Variants in BAALC observed in about 807,000 individuals in gnomAD.
BAALC encodes brain and acute leukemia cytoplasmic protein.
A neutral mutation model predicts 15.5 loss-of-function variants in BAALC; 9 were observed. That is an observed-to-expected ratio of 0.58 (90% confidence interval 0.35 to 1.02). BAALC has a LOEUF of 1.02. BAALC is among the 50% of genes least tolerant of loss of function. The probability of loss-of-function intolerance (pLI) is 0.02; values close to 1 mark genes in which losing one functional copy is unlikely to be tolerated. For missense variants in BAALC, 201 were observed against 192.4 expected (o/e 1.04, Z -0.27); for synonymous variants, 80 against 74.6 (o/e 1.07, Z -0.37).
At chr8:103,160,087 G>A (rs1179467176) in intron 1 of BAALC, among the ~76,000 whole-genome samples, 1 of 152,008 alleles carries the variant, frequency 6.6e-6, no homozygotes, top group Non-Finnish European at 1.5e-5. Flanking sequence ...AGGTTGCTTT[G>A]TCTTATATAT....
At chr8:103,184,645 A>G (rs1337350712) in intron 1 of BAALC, among the ~76,000 whole-genome samples, 2 of 152,228 alleles carry the variant, frequency 1.3e-5, no homozygotes, top group African/African-American at 4.8e-5. Flanking sequence ...AGATAGTTCC[A>G]GAGACTTCAG....
intron 1 of BAALC, among the ~76,000 whole-genome samples, chr8:103,180,398 C>T (rs1308336403): frequency 6.6e-6 from 1 of 152,156 alleles, no homozygotes; most frequent in Non-Finnish European, 1.5e-5. Context: ...ACGTGCTTGG[C>T]CTCAGAGAGG....
intron 2 of BAALC, among the ~76,000 whole-genome samples, chr8:103,226,097 G>T (rs182813031): frequency 6.6e-6 from 1 of 152,326 alleles, no homozygotes; most frequent in African/African-American, 2.4e-5. Context: ...GCCTGGAGGG[G>T]TGTTCCCACA....
At chr8:103,141,281 C>T (rs2129840032) in intron 1 of BAALC, 1 of 497,064 alleles carries the variant, frequency 2.0e-6, no homozygotes, top group Non-Finnish European at 3.4e-6. Flanking sequence ...CCCCAGCTTC[C>T]AGCAGCCCAA....
At chr8:103,223,941 G>T (rs1812738530) in intron 2 of BAALC, among the ~76,000 whole-genome samples, 1 of 152,204 alleles carries the variant, frequency 6.6e-6, no homozygotes, top group Non-Finnish European at 1.5e-5. Context: ...GAAGGCCTCT[G>T]CATTCTATTC....
chr8:103,223,037 G>A (rs1440112408), intron 2 of BAALC, among the ~76,000 whole-genome samples: 1 of 152,180 alleles, frequency 6.6e-6, no homozygotes, highest in Non-Finnish European at 1.5e-5. Context: ...GGCCGGGCGT[G>A]GTGGCTGGCT....
intron 1 of BAALC, among the ~76,000 whole-genome samples, chr8:103,142,877 A>C (rs1336466813): frequency 6.6e-6 from 1 of 152,054 alleles, no homozygotes; most frequent in Non-Finnish European, 1.5e-5. Context: ...GGACAGACAC[A>C]CTCATTCATG....
intron 2 of BAALC, 148 bp from the exon 3 acceptor site, chr8:103,227,841 A>G (rs1183856260): frequency 1.5e-5 from 9 of 609,366 alleles, no homozygotes; most frequent in Non-Finnish European, 2.3e-5. Context: ...TGCACAGATC[A>G]CAAATGTTCC....
intron 1 of BAALC, among the ~76,000 whole-genome samples, chr8:103,144,981 G>A (rs1308235511): frequency 6.6e-6 from 1 of 152,214 alleles, no homozygotes; most frequent in Admixed American, 6.5e-5. Context: ...AATGAGGCTG[G>A]AAGTCTGCAA....
intron 1 of BAALC, among the ~76,000 whole-genome samples, chr8:103,146,138 A>C (rs896912615): frequency 6.6e-6 from 1 of 152,246 alleles, no homozygotes; most frequent in Non-Finnish European, 1.5e-5. Context: ...TCCATGGTCC[A>C]TACTAGAAGG....
At chr8:103,155,692 G>C (rs886356047) in intron 1 of BAALC, among the ~76,000 whole-genome samples, 3 of 152,176 alleles carry the variant, frequency 2.0e-5, no homozygotes, top group Admixed American at 6.5e-5. Context: ...TCATCTTTCT[G>C]CTTCCCTAGT....
chr8:103,156,378 C>T (rs988133432), intron 1 of BAALC, among the ~76,000 whole-genome samples: 8 of 152,108 alleles, frequency 5.3e-5, no homozygotes, highest in African/African-American at 1.9e-4. Context: ...GCAAATCATG[C>T]TCTTGAGTTG....
intron 1 of BAALC, among the ~76,000 whole-genome samples, chr8:103,173,274 G>A (rs775759958): frequency 7.9e-5 from 12 of 152,150 alleles, no homozygotes; most frequent in Non-Finnish European, 1.8e-4. Context: ...GCTCCTGCAC[G>A]GGTGATGATT....
chr8:103,186,632 T>C (rs1811844809), intron 1 of BAALC, among the ~76,000 whole-genome samples: 1 of 152,148 alleles, frequency 6.6e-6, no homozygotes, highest in African/African-American at 2.4e-5. Context: ...GGACTCTTGA[T>C]TAAATTTGCC....
rs141277237 is a variant in BAALC, at chr8:103,158,468, A to G, written c.160+17411A>G. The stretch of plus-strand genomic sequence containing the variant: ...ATAGAGAACTTTCATACTTTATTTT[A>G]AAGAAGCACTTTAGGGCTTTTCTTT... On this transcript the variant is annotated intron_variant, in intron 1 of 2. Coordinates refer to ENST00000309982, the MANE Select transcript of BAALC (RefSeq NM_024812.3). Among the ~76,000 whole-genome samples, 589 of 152,260 alleles carry G rather than the reference A, an allele frequency of 3.9e-3. 1 individual carries two copies. The highest frequency in any genetic ancestry group is 0.014 in the Middle Eastern group (4 of 294).
intron 1 of BAALC, among the ~76,000 whole-genome samples, chr8:103,175,890 T>C (rs1811596570): frequency 6.6e-6 from 1 of 152,218 alleles, no homozygotes; most frequent in Non-Finnish European, 1.5e-5. Context: ...AATTAATTTG[T>C]AGAACAGTCT....
chr8:103,143,517 A>G (rs1336147184), intron 1 of BAALC, among the ~76,000 whole-genome samples: 4 of 152,178 alleles, frequency 2.6e-5, no homozygotes, highest in Non-Finnish European at 5.9e-5. Flanking sequence ...CACTACTAGA[A>G]TTCTAGAGCT....
At chr8:103,215,913 G>T (rs1408927588) in intron 2 of BAALC, among the ~76,000 whole-genome samples, 1 of 152,202 alleles carries the variant, frequency 6.6e-6, no homozygotes, top group Non-Finnish European at 1.5e-5. Context: ...CCATCATGCA[G>T]ATGAAGACAT....
chr8:103,179,150 G>A (rs1236792670), intron 1 of BAALC, among the ~76,000 whole-genome samples: 2 of 152,176 alleles, frequency 1.3e-5, no homozygotes, highest in African/African-American at 4.8e-5. Context: ...AATCAAATGT[G>A]CAAACCAAGT....
Sources: allele counts gnomAD v4.1 joint callset (sites outside exome capture counted in the v4.1 genomes callset), GRCh38; gene constraint gnomAD v4.1.1; transcripts MANE v1.5; gene names NCBI Gene and HGNC (gene_info 2026-07-23, HGNC 2026-07-21).